The following FGD5 variants were observed in gnomAD, a reference collection of about 807,000 sequenced individuals.
The protein encoded by FGD5 is FYVE, RhoGEF and PH domain-containing protein 5.
FGD5 carries 28 observed loss-of-function variants against 133.4 expected under a neutral mutation model. The observed-to-expected ratio is 0.21, with a 90% CI of 0.16 to 0.29. The LOEUF (loss-of-function observed/expected upper bound fraction) is 0.29, where lower values mean the gene tolerates loss of function less well. Among genes scored for constraint, FGD5 ranks in the 10% least tolerant of loss-of-function variants. The pLI is 1.00. For synonymous variants in FGD5, 810 were observed against 776.5 expected (o/e 1.04, Z -0.72); for missense variants, 1,858 against 1,895.2 (o/e 0.98, Z 0.36).
Position 14,916,346 on chromosome 3 carries a change from C to T in FGD5, c.3406-903C>T, listed in dbSNP as rs890717797. Among the ~76,000 whole-genome samples the T allele has an allele frequency of 2.0e-5, 3 of 152,204 alleles. No individual in the cohort carries two copies. The East Asian group carries it at 5.8e-4, about 29-fold the overall frequency. The stretch of plus-strand genomic sequence containing the variant: ...CTCACACCTGAAACCGTTTAGCTAA[C>T]CAGAAATACTCTCTCCTAAGGAGAT... On this transcript the variant is annotated intron_variant, in intron 11 of 19. Transcript: ENST00000285046.
intron 2 of FGD5, among the ~76,000 whole-genome samples, chr3:14,869,295 A>G (rs2037559824): frequency 6.6e-6 from 1 of 151,580 alleles, no homozygotes; most frequent in Admixed American, 6.6e-5. Context: ...CTCTGTCTTA[A>G]GACAACAACA....
At position 14,819,223 on chromosome 3, in the gene FGD5, G is replaced by A. The variant is rs887267788; in HGVS notation, c.152G>A (p.Arg51Gln). Residue 51 changes from arginine (R) to glutamine (Q), a missense_variant, in exon 1 of 20, where the codon CGG (arginine) becomes CAG (glutamine). Physicochemically the swap from Arg to Gln is conservative, Grantham distance 43. This residue lies in a region of FGD5 where 1,824 missense variants were observed against 1,848.9 expected (regional missense o/e 0.99). Transcript: ENST00000285046. This position sits in a 1 kb window ranked among gnomAD's most constrained non-coding sequence, Gnocchi z 4.1. ...CVDRGLDEGP[R>Q]SIPKCSESET... The stretch of plus-strand genomic sequence containing the variant: ...GACAGGGGGCTTGATGAGGGGCCCC[G>A]GTCCATCCCAAAGTGCTCTGAGTCG... 13 of 1,547,872 alleles carry A rather than the reference G, an allele frequency of 8.4e-6. No homozygotes were observed. The highest frequency in any genetic ancestry group is 2.7e-5 in the African/African-American group (2 of 72,916).
In FGD5 at chr3:14,918,807, C is replaced by G; in HGVS notation, c.3543C>G (p.Ser1181=). 6.2e-7 allele frequency: 1 copy of G among 1,613,940 alleles called. No homozygotes were observed. The highest frequency in any genetic ancestry group is 8.5e-7 in the Non-Finnish European group (1 of 1,179,884). ...KVPYALKIET[S]ESCLMLSASS... is the part of the protein sequence containing the mutation. ...CCTACGCTCTAAAGATTGAGACTTCCGAGTCCTGCCTGATGCTGTCTGCGA... is the reference window on the plus strand; with the variant it reads ...CCTACGCTCTAAAGATTGAGACTTCGGAGTCCTGCCTGATGCTGTCTGCGA... The change falls in exon 13 of 20, where the codon TCC becomes TCG. Residue 1181 remains serine, a synonymous_variant. Coordinates refer to ENST00000285046, the MANE Select transcript of FGD5 (RefSeq NM_152536.4).
chr3:14,854,064 C>T (rs1159533338), intron 1 of FGD5, among the ~76,000 whole-genome samples: 2 of 151,974 alleles, frequency 1.3e-5, no homozygotes, highest in Non-Finnish European at 2.9e-5. Flanking sequence ...CTGCTTTCAC[C>T]ATCGTGTTCT....
Position 14,933,287 on chromosome 3 carries a change from C to G in FGD5, c.*120C>G. The G allele has an allele frequency of 1.7e-6, 2 of 1,168,090 alleles. No homozygotes were observed. The highest frequency in any genetic ancestry group is 2.5e-6 in the Non-Finnish European group (2 of 799,636). The allele number at this position is 1,168,090 out of a possible 1,614,324, so 72.4% of individuals were successfully genotyped here. ...CCTGGATTCAGCAATGAGGCCTGAC[C>G]TTTTTTGCTATAACCGCCCCACCAC... is the stretch of plus-strand genomic sequence containing the variant. On this transcript the variant is annotated 3_prime_UTR_variant, in exon 20 of 20. Transcript: ENST00000285046.
chr3:14,876,882 C>T (rs1055688500), intron 2 of FGD5, among the ~76,000 whole-genome samples: 2 of 152,178 alleles, frequency 1.3e-5, no homozygotes, highest in Non-Finnish European at 1.5e-5. Flanking sequence ...TTGTGTGACC[C>T]GCTGTCTAAC....
chr3:14,871,680 C>T (rs555069525), intron 2 of FGD5, among the ~76,000 whole-genome samples: 2 of 152,164 alleles, frequency 1.3e-5, no homozygotes, highest in East Asian at 1.9e-4. Flanking sequence ...ATGCCTCACA[C>T]GCCTTGCTGA....
rs569963284 is a variant in FGD5, at chr3:14,898,730, T to C, written c.3067-9T>C. On this transcript the variant is annotated splice_polypyrimidine_tract_variant and intron_variant, in intron 6 of 19. Transcript: ENST00000285046. ...TGATAAGGTTTTTCCTTCCCTGTCTTGAGAGCAGCAGAGTGTACAAGGAGG... is the reference window on the plus strand; with the variant it reads ...TGATAAGGTTTTTCCTTCCCTGTCTCGAGAGCAGCAGAGTGTACAAGGAGG... 6.4e-7 allele frequency: 1 copy of C among 1,574,220 alleles called. No homozygotes were observed. The highest frequency in any genetic ancestry group is 1.2e-5 in the South Asian group (1 of 85,530).
chr3:14,863,710 G>A (rs759772335), intron 1 of FGD5, among the ~76,000 whole-genome samples: 3 of 152,338 alleles, frequency 2.0e-5, no homozygotes, highest in East Asian at 1.9e-4. Context: ...TGGAACACAC[G>A]TCCTGGATTC....
At chr3:14,837,106 G>A (rs2036830680) in intron 1 of FGD5, among the ~76,000 whole-genome samples, 1 of 152,202 alleles carries the variant, frequency 6.6e-6, no homozygotes, top group South Asian at 2.1e-4. Context: ...AGGGTGTGAA[G>A]TGCAGAGAGT....
chr3:14,861,027 A>G (rs1353146038), intron 1 of FGD5, among the ~76,000 whole-genome samples: 1 of 152,208 alleles, frequency 6.6e-6, no homozygotes, highest in East Asian at 1.9e-4. Flanking sequence ...AATACAGCAT[A>G]TGACCTCACA....
chr3:14,904,242 G>A (rs542694559), intron 9 of FGD5, among the ~76,000 whole-genome samples: 1 of 152,116 alleles, frequency 6.6e-6, no homozygotes, highest in African/African-American at 2.4e-5. Context: ...AGGAGCGGGG[G>A]GTTATGCTCC....
At chr3:14,911,980 G>A (rs997332675) in intron 11 of FGD5, among the ~76,000 whole-genome samples, 1 of 151,962 alleles carries the variant, frequency 6.6e-6, no homozygotes, top group African/African-American at 2.4e-5. Context: ...GGTGCACCAA[G>A]GAAGGGCATT....
chr3:14,926,826 G>T (rs914722618), intron 18 of FGD5, among the ~76,000 whole-genome samples: 1 of 152,154 alleles, frequency 6.6e-6, no homozygotes, highest in South Asian at 2.1e-4. Flanking sequence ...TCACCAGCTG[G>T]TGGCTTCTAG....
chr3:14,866,699 A>G (rs2037500890), intron 2 of FGD5, among the ~76,000 whole-genome samples: 1 of 152,256 alleles, frequency 6.6e-6, no homozygotes, highest in African/African-American at 2.4e-5. Context: ...AAGCATACCA[A>G]GGTCAGAGCT....
intron 1 of FGD5, among the ~76,000 whole-genome samples, chr3:14,823,934 C>A (rs1201303537): frequency 2.0e-5 from 3 of 152,220 alleles, no homozygotes; most frequent in Non-Finnish European, 4.4e-5. Context: ...CGCTAAAGCT[C>A]CTGGATCGTG....
intron 9 of FGD5, 131 bp downstream of exon 9, chr3:14,901,192 G>A (rs2038232977): frequency 4.1e-6 from 4 of 980,332 alleles, no homozygotes; most frequent in Non-Finnish European, 6.4e-6. Context: ...ACTCTGCAGA[G>A]AGCCGTGGGT....
intron 2 of FGD5, among the ~76,000 whole-genome samples, chr3:14,873,417 C>A (rs1332973231): frequency 6.6e-6 from 1 of 151,994 alleles, no homozygotes; most frequent in African/African-American, 2.4e-5. Flanking sequence ...GAGAGCAGGA[C>A]GTAGTTAAGT....
chr3:14,861,222 C>G (rs1363192861), intron 1 of FGD5, among the ~76,000 whole-genome samples: 1 of 152,038 alleles, frequency 6.6e-6, no homozygotes, highest in South Asian at 2.1e-4. Context: ...CAGAGCTGAT[C>G]GTGAAGAAAG....
Sources: allele counts gnomAD v4.1 joint callset (sites outside exome capture counted in the v4.1 genomes callset), GRCh38; gene constraint gnomAD v4.1.1; regional missense constraint gnomAD v4.1.1; non-coding constraint Gnocchi (gnomAD v3.1); transcripts MANE v1.5; gene names NCBI Gene and HGNC (gene_info 2026-07-23, HGNC 2026-07-21).